The following LMAN1L variants were observed in gnomAD, a reference collection of about 807,000 sequenced individuals.
LMAN1L encodes protein ERGIC-53-like.
LMAN1L carries 60 observed loss-of-function variants against 58.3 expected under a neutral mutation model. The observed-to-expected ratio is 1.03, with a 90% CI of 0.84 to 1.27. LMAN1L has a LOEUF of 1.27. Among genes scored for constraint, LMAN1L ranks in the 50% most tolerant of loss-of-function variants. The probability of loss-of-function intolerance (pLI) is 0.00; values close to 1 mark genes in which losing one functional copy is unlikely to be tolerated. For missense variants in LMAN1L, 629 were observed against 674.0 expected, an observed-to-expected ratio of 0.93 and a Z score of 0.74; for synonymous variants, 280 against 271.6, an observed-to-expected ratio of 1.03 and a Z score of -0.31.
At chr15:74,824,299 C>T (rs2063930954) in intron 12 of LMAN1L, 52 bp from the exon 13 acceptor site, 37 of 1,573,892 alleles carry the variant, frequency 2.4e-5, no homozygotes, top group Non-Finnish European at 3.1e-5. Context: ...CCAGGTCCCC[C>T]ACTCCTTCTG....
chr15:74,816,441 C>A lies in LMAN1L; in HGVS notation c.345C>A (p.Thr115=). 6.4e-7 allele frequency: 1 copy of A among 1,556,626 alleles called. No homozygotes were observed. The highest frequency in any genetic ancestry group is 1.2e-5 in the South Asian group (1 of 81,970). ...RGAQGMAVWY[T]RGRGHVGSVL... is the part of the protein sequence containing the mutation. ...GGGACCTGCAGGCCGTGTGGTACAC[C>A]CGGGGCAGGGGCCATGTAGGCTCTG... The change falls in exon 3 of 14, where the codon ACC becomes ACA. Residue 115 remains threonine (T), a synonymous_variant. Coordinates refer to ENST00000309664, the MANE Select transcript of LMAN1L (RefSeq NM_021819.3).
chr15:74,825,311 G>A (rs2063936239), intron 13 of LMAN1L, 165 bp from the exon 14 acceptor site: 7 of 689,974 alleles, frequency 1.0e-5, no homozygotes, highest in Non-Finnish European at 1.7e-5. Context: ...ATGCCCAGGG[G>A]GAAAGCGTGG....
rs1300585755 is a variant in LMAN1L, at chr15:74,820,637, TC to T, written c.782del (p.Pro261LeufsTer31). The T allele has an allele frequency of 6.2e-7, 1 of 1,613,540 alleles. No homozygotes were observed. On this transcript the variant is annotated frameshift_variant, in exon 8 of 14. Coordinates refer to ENST00000309664, the MANE Select transcript of LMAN1L (RefSeq NM_021819.3). LOFTEE classifies it high-confidence loss of function. ...GACTTTCTGTCTTCCTCCCCTAGGTTCCCCCTCAGCCCTTCCTGGAGATGCA... is the reference window on the plus strand; with the variant it reads ...GACTTTCTGTCTTCCTCCCCTAGGTTCCCCTCAGCCCTTCCTGGAGATGCA... Reference protein sequence around the residue: ...FSLSEPSPEVPPQPFLEMQQL... With the variant: ...FSLSEPSPEVXPQPFLEMQQL...
At position 74,824,335 on chromosome 15, in the gene LMAN1L, G is replaced by T. The variant is rs376606290; in HGVS notation, c.1324-16G>T. ...GGTAAGAAGCTAAGCTAGGACCTTA[G>T]ACTTTCCCCTTTCAGAAGGCAGCAG... is the stretch of plus-strand genomic sequence containing the variant. On this transcript the variant is annotated splice_polypyrimidine_tract_variant and intron_variant, in intron 12 of 13. Coordinates refer to ENST00000309664, the MANE Select transcript of LMAN1L (RefSeq NM_021819.3). The T allele has an allele frequency of 6.2e-7, 1 of 1,613,196 alleles. No individual in the cohort carries two copies. Among genetic ancestry groups the T allele is most frequent in the Non-Finnish European group, 8.5e-7 (1 of 1,179,528 alleles).
At chr15:74,816,333 T>C in intron 2 of LMAN1L, 22 bp downstream of exon 2, 1 of 1,610,426 alleles carries the variant, frequency 6.2e-7, no homozygotes, top group Non-Finnish European at 8.5e-7. Context: ...CTCCCAGAGC[T>C]GACAGAGCGG....
In LMAN1L at chr15:74,812,966, A is replaced by C; in HGVS notation, c.112A>C (p.Ser38Arg). Residue 38 changes from serine to arginine, a missense_variant, in exon 1 of 14, where the codon AGC becomes CGC. Ser to Arg is a moderately radical substitution (Grantham distance 110). Coordinates refer to ENST00000309664, the MANE Select transcript of LMAN1L (RefSeq NM_021819.3). ...PPLRRFEYKL[S>R]FKGPRLALPG... Reference sequence around the variant, plus strand: ...TCTACGCAGGTTTGAGTACAAGCTCAGCTTCAAAGGCCCAAGGCTGGCATT... The same window carrying C: ...TCTACGCAGGTTTGAGTACAAGCTCCGCTTCAAAGGCCCAAGGCTGGCATT... 6.2e-7 allele frequency: 1 copy of C among 1,614,108 alleles called. No homozygotes were observed. The highest frequency in any genetic ancestry group is 8.5e-7 in the Non-Finnish European group (1 of 1,179,994).
rs891922443 is a variant in LMAN1L at position 74,816,705 on chromosome 15, G to T, written c.497+15G>T. On this transcript the variant is annotated intron_variant, in intron 4 of 13. Coordinates refer to ENST00000309664, the MANE Select transcript of LMAN1L (RefSeq NM_021819.3). ...GAGCAGCCTGGGTAAGGGCCTGTCT[G>T]GACTGACCACTCACCTCCATTTTTG... The T allele has an allele frequency of 1.2e-6, 2 of 1,611,938 alleles. No homozygotes were observed. The highest frequency in any genetic ancestry group is 1.7e-6 in the Non-Finnish European group (2 of 1,178,692).
intron 1 of LMAN1L, 116 bp from the exon 2 acceptor site, chr15:74,816,041 G>A (rs2063888482): frequency 7.8e-7 from 1 of 1,282,488 alleles, no homozygotes; most frequent in Non-Finnish European, 1.1e-6. Context: ...CTTATTTAAT[G>A]GTAGGCCTTG....
chr15:74,819,079 C>T (rs1436638436), intron 5 of LMAN1L, 73 bp from the exon 6 acceptor site: 9 of 1,531,342 alleles, frequency 5.9e-6, no homozygotes, highest in Non-Finnish European at 7.1e-6. Flanking sequence ...CACCTGCCAT[C>T]CCACGGCCAG....
In LMAN1L at chr15:74,819,213, C is replaced by T; in HGVS notation, c.659C>T (p.Pro220Leu). The change falls in exon 6 of 14, where the codon CCC becomes CTC. Residue 220 changes from proline (P) to leucine (L), a missense_variant. Pro to Leu is a moderately conservative substitution (Grantham distance 98). Transcript: ENST00000309664. ...DPGEFCVDVG[P>L]LLLVPGGFFG... ...GGTGAGTTCTGTGTGGATGTGGGGC[C>T]CCTGCTTTTGGTCCCTGGAGGTTTC... 2 of 1,614,156 alleles carry T rather than the reference C, an allele frequency of 1.2e-6. No individual in the cohort carries two copies. Among genetic ancestry groups the T allele is most frequent in the Non-Finnish European group, 1.7e-6 (2 of 1,180,008 alleles).
Position 74,816,696 on chromosome 15 carries a change from G to C in LMAN1L, c.497+6G>C, listed in dbSNP as rs768838218. On this transcript the variant is annotated splice_donor_region_variant and intron_variant, in intron 4 of 13. Transcript: ENST00000309664. Reference sequence around the variant, plus strand: ...ATCCCCTCTGAGCAGCCTGGGTAAGGGCCTGTCTGGACTGACCACTCACCT... The same window carrying C: ...ATCCCCTCTGAGCAGCCTGGGTAAGCGCCTGTCTGGACTGACCACTCACCT... The C allele has an allele frequency of 1.9e-6, 3 of 1,613,540 alleles. No individual in the cohort carries two copies. The African/African-American group carries it at 4.0e-5, about 22-fold the overall frequency.
In LMAN1L at chr15:74,814,372, G is replaced by GTTTTTT. The variant is rs1331712044; in HGVS notation, c.175+1348_175+1349insTTTTTT. 1.9e-4 allele frequency among the ~76,000 whole-genome samples: 21 copies of GTTTTTT among 109,490 alleles called. 4 individuals carry two copies. The highest frequency in any genetic ancestry group is 3.5e-4 in the Non-Finnish European group (19 of 54,282). 71.8% of individuals were successfully genotyped at this position (109,490 alleles called of 152,430 possible). ...CCACACGCAGCTAATTTTTGTTTTT[G>GTTTTTT]TTTTTGTTTTTTTTTTTTTGAGACG... On this transcript the variant is annotated intron_variant, in intron 1 of 13. Transcript: ENST00000309664.
chr15:74,817,570 G>C (rs1384873475), intron 4 of LMAN1L, among the ~76,000 whole-genome samples: 1 of 152,228 alleles, frequency 6.6e-6, no homozygotes, highest in Non-Finnish European at 1.5e-5. Flanking sequence ...CTGCCGAGCC[G>C]ACCTGTCAGG....
rs1446067885 is a variant in LMAN1L at position 74,812,959 on chromosome 15, C to T, written c.105C>T (p.Tyr35=). 1 of 1,614,144 alleles carries T rather than the reference C, an allele frequency of 6.2e-7. No individual in the cohort carries two copies. The change falls in exon 1 of 14, where the codon TAC becomes TAT. Residue 35 remains tyrosine, a synonymous_variant. Coordinates refer to ENST00000309664, the MANE Select transcript of LMAN1L (RefSeq NM_021819.3). ...TGCPPLRRFE[Y]KLSFKGPRLA... ...GTCCTCCTCTACGCAGGTTTGAGTACAAGCTCAGCTTCAAAGGCCCAAGGC... is the reference window on the plus strand; with the variant it reads ...GTCCTCCTCTACGCAGGTTTGAGTATAAGCTCAGCTTCAAAGGCCCAAGGC...
rs1037172213 is a variant in LMAN1L, at chr15:74,821,959, G to T, written c.1131+59G>T. The T allele has an allele frequency of 1.1e-5, 13 of 1,183,704 alleles. No homozygotes were observed. In the Admixed American group the frequency reaches 2.3e-4, roughly 21 times the overall value. The allele number at this position is 1,183,704 out of a possible 1,614,324, so 73.3% of individuals were successfully genotyped here. A position where few individuals can be genotyped will look rare whatever the true frequency, so the allele number is the denominator to read the frequency against. Reference sequence around the variant, plus strand: ...TGGCCCCAGCTTGGCTGGTGCTCTGGGAGAACCAGGGCAGAGAGGACTGGG... The same window carrying T: ...TGGCCCCAGCTTGGCTGGTGCTCTGTGAGAACCAGGGCAGAGAGGACTGGG... On this transcript the variant is annotated intron_variant, in intron 10 of 13. Coordinates refer to ENST00000309664, the MANE Select transcript of LMAN1L (RefSeq NM_021819.3).
rs376132416 is a variant in LMAN1L, at chr15:74,816,430, G to A, written c.334G>A (p.Val112Met). ...LGRRGAQGMA[V>M]WYTRGRGHVG... ...CTGAGGGGCTGGGGACCTGCAGGCC[G>A]TGTGGTACACCCGGGGCAGGGGCCA... Residue 112 changes from valine to methionine, a missense_variant, in exon 3 of 14, where the codon GTG becomes ATG. Transcript: ENST00000309664. The A allele has an allele frequency of 2.9e-5, 45 of 1,560,170 alleles. No homozygotes were observed. The highest frequency in any genetic ancestry group is 6.0e-5 in the South Asian group (5 of 82,736).
chr15:74,823,535 TA>T, intron 11 of LMAN1L, 23 bp from the exon 12 acceptor site: 1 of 1,613,152 alleles, frequency 6.2e-7, no homozygotes, highest in African/African-American at 1.3e-5. Flanking sequence ...TGAGTCATCT[TA>T]CTTGGTTACC....
In LMAN1L at chr15:74,818,816, G is replaced by A. The variant is rs142085221; in HGVS notation, c.596G>A (p.Arg199His). 11 of 1,605,772 alleles carry A rather than the reference G, an allele frequency of 6.9e-6. No individual in the cohort carries two copies. Among genetic ancestry groups the A allele is most frequent in the South Asian group, 1.1e-5 (1 of 89,466 alleles). Residue 199 changes from arginine to histidine, a missense_variant and splice_region_variant, in exon 5 of 14, where the codon CGC becomes CAC. Transcript: ENST00000309664. ...ATCACCTACTGGGGGCAGAGGCTGC[G>A]CGTGAGTCACCCTTCCTGCTTCTGA... ...ARITYWGQRL[R>H]MSLNSGLTPS...
chr15:74,817,130 C>T (rs975371411), intron 4 of LMAN1L, among the ~76,000 whole-genome samples: 92 of 152,180 alleles, frequency 6.0e-4, no homozygotes, highest in Non-Finnish European at 2.2e-4. Flanking sequence ...GCTTCTGTCC[C>T]TCCCCGGCCC....
Sources: gnomAD v4.1 joint callset for allele counts (sites outside exome capture counted in the v4.1 genomes callset) on GRCh38, gnomAD v4.1.1 for gene constraint, MANE v1.5 for transcripts, NCBI Gene and HGNC (gene_info 2026-07-23, HGNC 2026-07-21) for gene names.